PVALEF: variants seen among roughly 807,000 people sequenced by gnomAD.
The protein encoded by PVALEF is parvalbumin-like EF-hand-containing protein.
Under a neutral mutation model 1.2 loss-of-function variants are expected in PVALEF, and 2 were observed. The ratio of observed to expected loss-of-function variants is 1.68; its 90% confidence interval spans 0.69 to 5.28. The LOEUF (loss-of-function observed/expected upper bound fraction) is 5.28, where lower values mean the gene tolerates loss of function less well. PVALEF is among the 30% of genes most tolerant of loss of function. The pLI, the probability that PVALEF is intolerant of heterozygous loss-of-function variation, is 0.06. For synonymous variants in PVALEF, 16 were observed against 6.5 expected (o/e 2.47, Z -2.24); for missense variants, 35 against 17.7 (o/e 1.97, Z -1.75).
intron 2 of PVALEF, among the ~76,000 whole-genome samples, chr17:81,173,073 C>A (rs2061525950): frequency 6.6e-6 from 1 of 152,202 alleles, no homozygotes; most frequent in African/African-American, 2.4e-5. Context: ...AGGGGAGCTC[C>A]TCGGTGATGT....
intron 2 of PVALEF, among the ~76,000 whole-genome samples, chr17:81,169,985 CATGTGTGTGT>C (rs1465848472): frequency 7.7e-6 from 1 of 130,388 alleles, no homozygotes; most frequent in Non-Finnish European, 1.7e-5. Context: ...CATGTGTGTG[CATGTGTGTGT>C]GTTGGTGTGT....
rs533541065 is a variant in PVALEF at position 81,182,949 on chromosome 17, T to C, written c.359-16T>C. The C allele has an allele frequency of 4.8e-5, 19 of 398,642 alleles. No homozygotes were observed. The highest frequency in any genetic ancestry group is 7.1e-5 in the Non-Finnish European group (16 of 226,068). The allele number at this position is 398,642 out of a possible 1,614,324, so 24.7% of individuals were successfully genotyped here. ...CAAAACAGGGGTACTTACTTTAAAT[T>C]GGTCTCCTGCTCTAGAATTTTCTGA... On this transcript the variant is annotated splice_polypyrimidine_tract_variant and intron_variant, in intron 6 of 6. Coordinates refer to ENST00000637878, the MANE Select transcript of PVALEF (RefSeq NM_001354639.2).
At chr17:81,175,540 A>G (rs914036468) in intron 2 of PVALEF, among the ~76,000 whole-genome samples, 4 of 152,248 alleles carry the variant, frequency 2.6e-5, no homozygotes, top group African/African-American at 9.6e-5. Context: ...AAAATTCACT[A>G]CAAAGCTACA....
chr17:81,181,611 G>A lies in PVALEF; in HGVS notation c.159G>A (p.Ser53=), dbSNP rs762857187. 92 of 423,574 alleles carry A rather than the reference G, an allele frequency of 2.2e-4. No homozygotes were observed. Among genetic ancestry groups the A allele is most frequent in the Non-Finnish European group, 3.4e-4 (82 of 242,238 alleles). The allele number at this position is 423,574 out of a possible 1,614,324, so 26.2% of individuals were successfully genotyped here. ...AGCACATCCGCAAGCTCCACGCCTC[G>A]GGCCAGCTGGACGACGCCATCCACA... ...FFKHIRKLHA[S]GQLDDAIHTA... is the part of the protein sequence containing the mutation. Residue 53 remains serine, a synonymous_variant, in exon 5 of 7, where the codon TCG becomes TCA. Transcript: ENST00000637878.
chr17:81,166,098 G>A, intron 1 of PVALEF: 1 of 640,836 alleles, frequency 1.6e-6, no homozygotes, highest in Non-Finnish European at 1.9e-6. Flanking sequence ...CAGGTGCGGA[G>A]CGCGCCGGCC....
chr17:81,178,699 G>C (rs1223238142), intron 2 of PVALEF, among the ~76,000 whole-genome samples: 1 of 151,956 alleles, frequency 6.6e-6, no homozygotes, highest in Non-Finnish European at 1.5e-5. Flanking sequence ...AGGGTCCCCA[G>C]CCTCAATCTC....
chr17:81,169,288 A>C (rs1349831617), intron 2 of PVALEF, among the ~76,000 whole-genome samples: 1 of 152,214 alleles, frequency 6.6e-6, no homozygotes, highest in African/African-American at 2.4e-5. Flanking sequence ...TGTGACTTAT[A>C]TCTCAATAAA....
intron 3 of PVALEF, 83 bp from the exon 4 acceptor site, chr17:81,181,040 C>T (rs1455721569): frequency 3.7e-6 from 2 of 537,698 alleles, no homozygotes; most frequent in Non-Finnish European, 6.6e-6. Flanking sequence ...AGACCCCCAC[C>T]TGCCTGGCTG....
intron 1 of PVALEF, 192 bp downstream of exon 1, chr17:81,165,939 G>T: frequency 6.3e-7 from 1 of 1,581,148 alleles, no homozygotes. Context: ...GGGACTCACC[G>T]GGGTCGAAGT....
chr17:81,166,508 G>C (rs1308666622), intron 1 of PVALEF, among the ~76,000 whole-genome samples, 169 bp from the exon 2 acceptor site: 1 of 101,540 alleles, frequency 9.8e-6, no homozygotes, highest in Non-Finnish European at 2.2e-5. Context: ...GCTGGCGGGG[G>C]GGGGGGAAAC....
intron 2 of PVALEF, among the ~76,000 whole-genome samples, chr17:81,177,240 C>CAA (rs1163157496): frequency 5.2e-3 from 380 of 73,518 alleles, no homozygotes; most frequent in East Asian, 8.8e-3. Context: ...AACTCCATCT[C>CAA]AAAAAAAAAA....
intron 2 of PVALEF, among the ~76,000 whole-genome samples, chr17:81,171,029 G>A (rs918618452): frequency 6.6e-6 from 1 of 152,202 alleles, no homozygotes; most frequent in Non-Finnish European, 1.5e-5. Context: ...GTTTCAGGCA[G>A]GAAGGTGGGC....
intron 2 of PVALEF, among the ~76,000 whole-genome samples, chr17:81,172,635 C>A (rs545058404): frequency 7.3e-4 from 111 of 152,162 alleles, no homozygotes; most frequent in African/African-American, 2.6e-3. Flanking sequence ...TGGTGGGCAC[C>A]TGTAATCCCA....
At position 81,176,583 on chromosome 17, in the gene PVALEF, TA is replaced by T. The variant is rs776811128; in HGVS notation, c.-339-2320del. 7.1e-3 allele frequency among the ~76,000 whole-genome samples: 974 copies of T among 136,638 alleles called. 5 individuals are homozygous for T. The highest frequency in any genetic ancestry group is 0.022 in the Middle Eastern group (6 of 276). The allele number at this position is 136,638 out of a possible 152,430, so 89.6% of individuals were successfully genotyped here. On this transcript the variant is annotated intron_variant, in intron 2 of 6. Transcript: ENST00000637878. ...TCACACCCCTGAGGATGGCTGCTAT[TA>T]AAAAAAAAAAAAAACCTCCAGAGAA... is the stretch of plus-strand genomic sequence containing the variant.
chr17:81,168,704 G>A (rs2061507857), intron 2 of PVALEF, among the ~76,000 whole-genome samples: 1 of 152,192 alleles, frequency 6.6e-6, no homozygotes, highest in Middle Eastern at 3.2e-3. Context: ...TGTCGGTGCA[G>A]AAGCATTGCC....
At position 81,181,171 on chromosome 17, in the gene PVALEF, A is replaced by G. The variant is rs758502793; in HGVS notation, c.-56A>G. Reference sequence around the variant, plus strand: ...CTACGTCTGCTCTGGCCCAAGCAGCACCCCCAATCCGTGCGTGCACCCCAC... The same window carrying G: ...CTACGTCTGCTCTGGCCCAAGCAGCGCCCCCAATCCGTGCGTGCACCCCAC... On this transcript the variant is annotated 5_prime_UTR_variant, in exon 4 of 7. Transcript: ENST00000637878. 121 of 697,970 alleles carry G rather than the reference A, an allele frequency of 1.7e-4. 1 individual carries two copies. Among genetic ancestry groups the G allele is most frequent in the South Asian group, 1.3e-3 (88 of 65,792 alleles). 43.2% of individuals were successfully genotyped at this position (697,970 alleles called of 1,614,324 possible).
chr17:81,173,285 G>A lies in PVALEF; in HGVS notation c.-339-5633G>A, dbSNP rs141222300. Among the ~76,000 whole-genome samples, 167 of 152,302 alleles carry A rather than the reference G, an allele frequency of 1.1e-3. 1 individual carries two copies. The highest frequency in any genetic ancestry group is 4.6e-3 in the South Asian group (22 of 4,832). On this transcript the variant is annotated intron_variant, in intron 2 of 6. Transcript: ENST00000637878. ...TGCAGTGACCCATGGACAGACAGCT[G>A]CTCAGGCCTGGCCACTGGAGGAAGC...
chr17:81,176,900 G>A (rs560233467), intron 2 of PVALEF, among the ~76,000 whole-genome samples: 108 of 150,034 alleles, frequency 7.2e-4, no homozygotes, highest in South Asian at 4.7e-3. Context: ...AAAATGTGGT[G>A]CAACCATGCA....
intron 2 of PVALEF, among the ~76,000 whole-genome samples, chr17:81,167,483 CTTAGGACT>C (rs1282114662): frequency 6.6e-6 from 1 of 152,238 alleles, no homozygotes; most frequent in Non-Finnish European, 1.5e-5. Flanking sequence ...CAACAGGGCT[CTTAGGACT>C]TTAGGGAGAG....
Sources: allele counts gnomAD v4.1 joint callset (sites outside exome capture counted in the v4.1 genomes callset), GRCh38; gene constraint gnomAD v4.1.1; transcripts MANE v1.5; gene names NCBI Gene and HGNC (gene_info 2026-07-23, HGNC 2026-07-21).